Variants in BMP1 observed in about 807,000 individuals in gnomAD.
BMP1 encodes the protein mammalian tolloid protein.
A neutral mutation model predicts 116.8 loss-of-function variants in BMP1; 63 were observed. The ratio of observed to expected loss-of-function variants is 0.54; its 90% confidence interval spans 0.44 to 0.67. The LOEUF is 0.67. BMP1 is among the 30% of genes least tolerant of loss of function. The probability of loss-of-function intolerance (pLI) is 0.00; values close to 1 mark genes in which losing one functional copy is unlikely to be tolerated. For missense variants in BMP1, 1,183 were observed against 1,358.9 expected (o/e 0.87, Z 2.04); for synonymous variants, 536 against 533.4 (o/e 1.00, Z -0.07).
intron 1 of BMP1, 137 bp from the exon 2 acceptor site, chr8:22,173,465 C>A: frequency 1.7e-6 from 1 of 578,082 alleles, no homozygotes; most frequent in Non-Finnish European, 3.1e-6. Context: ...TTCTCCTTCT[C>A]GTTCAGATGG....
Position 22,173,716 on chromosome 8 carries a change from G to T in BMP1, c.262+1G>T. On this transcript the variant is annotated splice_donor_variant, in intron 2 of 19. Transcript: ENST00000306385. LOFTEE classifies it high-confidence loss of function. The stretch of plus-strand genomic sequence containing the variant: ...CGTAAGTCCTCCATCAAAGCTGCAG[G>T]TAAGCCGGGTGCCAATGGGCCCTCT... 1 of 1,607,422 alleles carries T rather than the reference G, an allele frequency of 6.2e-7. No individual in the cohort carries two copies. Among genetic ancestry groups the T allele is most frequent in the Non-Finnish European group, 8.5e-7 (1 of 1,176,346 alleles).
rs780738273 is a variant in BMP1, at chr8:22,177,157, G to A, written c.730+18G>A. The A allele has an allele frequency of 2.2e-5, 35 of 1,579,180 alleles. No homozygotes were observed. Among genetic ancestry groups the A allele is most frequent in the Middle Eastern group, 1.7e-4 (1 of 5,826 alleles). ...CCAGCCAGGTAGGTACCTGCCCCTC[G>A]GTGCGGCCTTGGTGGGCGGCTCCCG... is the stretch of plus-strand genomic sequence containing the variant. On this transcript the variant is annotated intron_variant, in intron 5 of 19. Transcript: ENST00000306385.
intron 19 of BMP1, among the ~76,000 whole-genome samples, chr8:22,210,951 C>T (rs962786827): frequency 1.3e-5 from 2 of 152,244 alleles, no homozygotes; most frequent in Non-Finnish European, 2.9e-5. Flanking sequence ...AAGGCCAGGG[C>T]GTTGACGTCC....
chr8:22,180,520 CT>C, intron 8 of BMP1, 37 bp downstream of exon 8: 1 of 1,580,662 alleles, frequency 6.3e-7, no homozygotes. Flanking sequence ...TCCCCCTCCC[CT>C]GCGGGTCCCC....
In BMP1 at chr8:22,182,435, A is replaced by G. The variant is rs535602451; in HGVS notation, c.1077+1952A>G. Among the ~76,000 whole-genome samples, 8 of 152,344 alleles carry G rather than the reference A, an allele frequency of 5.3e-5. No individual in the cohort carries two copies. In the South Asian group the frequency reaches 1.5e-3, roughly 28 times the overall value. On this transcript the variant is annotated intron_variant, in intron 8 of 19. Transcript: ENST00000306385. Reference sequence around the variant, plus strand: ...TATGATGCCACTTAAGGTCATTACTATCCAGCCACAGGTGACCACCAGTTG... The same window carrying G: ...TATGATGCCACTTAAGGTCATTACTGTCCAGCCACAGGTGACCACCAGTTG...
intron 19 of BMP1, 62 bp downstream of exon 19, chr8:22,209,757 C>T: frequency 2.6e-6 from 4 of 1,559,448 alleles, no homozygotes; most frequent in Non-Finnish European, 3.5e-6. Flanking sequence ...GTCCTCCACC[C>T]TTCTCAGCCC....
chr8:22,209,773 C>G (rs1377966665), intron 19 of BMP1, 78 bp downstream of exon 19: 200 of 1,512,914 alleles, frequency 1.3e-4, no homozygotes, highest in Non-Finnish European at 1.7e-4. Flanking sequence ...AGCCCAGTCT[C>G]CAAGACCTAG....
intron 9 of BMP1, 23 bp downstream of exon 9, chr8:22,192,174 G>A: frequency 6.3e-7 from 1 of 1,591,642 alleles, no homozygotes; most frequent in East Asian, 2.2e-5. Context: ...GCCACCCCCT[G>A]CCCCCTCCAT....
rs143279632 is a variant in BMP1 at position 22,180,451 on chromosome 8, G to C, written c.1045G>C (p.Val349Leu). The C allele has an allele frequency of 6.8e-6, 11 of 1,613,780 alleles. No homozygotes were observed. Among genetic ancestry groups the C allele is most frequent in the Middle Eastern group, 1.6e-4 (1 of 6,082 alleles). ...TGGCTACTCTGCTCACATGCACTGCGTGTGGCGCATCTCTGTCACACCCGG... is the reference window on the plus strand; with the variant it reads ...TGGCTACTCTGCTCACATGCACTGCCTGTGGCGCATCTCTGTCACACCCGG... ...PNGYSAHMHCVWRISVTPGEK... is the reference protein window; with the variant it reads ...PNGYSAHMHCLWRISVTPGEK... The change falls in exon 8 of 20, where the codon GTG (valine) becomes CTG (leucine). Residue 349 changes from valine (V) to leucine (L), a missense_variant. This residue lies in a region of BMP1 where 956 missense variants were observed against 1,135.2 expected (regional missense o/e 0.84). Transcript: ENST00000306385.
chr8:22,169,184 G>GAAAAA (rs5890026), intron 1 of BMP1, among the ~76,000 whole-genome samples: 1 of 126,878 alleles, frequency 7.9e-6, no homozygotes, highest in African/African-American at 3.0e-5. Flanking sequence ...AAGACTCTGT[G>GAAAAA]AAAAAAAAAA....
At position 22,207,440 on chromosome 8, in the gene BMP1, A is replaced by T. The variant is rs1240671676; in HGVS notation, c.2499A>T (p.Thr833=). ...AGAAGCCCGAGCCCGTCCTGGCCAC[A>T]GGCAGCCGCATGTTCCTGCGCTTCT... ...GSKKPEPVLA[T]GSRMFLRFYS... Residue 833 remains threonine, a synonymous_variant, in exon 18 of 20, where the codon ACA becomes ACT. Coordinates refer to ENST00000306385, the MANE Select transcript of BMP1 (RefSeq NM_006129.5). 6.2e-7 allele frequency: 1 copy of T among 1,614,144 alleles called. No individual in the cohort carries two copies. Among genetic ancestry groups the T allele is most frequent in the Middle Eastern group, 1.6e-4 (1 of 6,062 alleles).
intron 15 of BMP1, chr8:22,201,247 C>G: frequency 6.3e-7 from 1 of 1,588,692 alleles, no homozygotes; most frequent in Non-Finnish European, 8.5e-7. Flanking sequence ...AGGAACCTCA[C>G]CTTGGACGGA....
rs10672713 is a variant in BMP1, at chr8:22,189,433, TAC to T, written c.1078-2588_1078-2587del. Among the ~76,000 whole-genome samples, 284 of 141,376 alleles carry T rather than the reference TAC, an allele frequency of 2.0e-3. 1 individual carries two copies. The highest frequency in any genetic ancestry group is 6.4e-3 in the African/African-American group (248 of 38,476). The allele number at this position is 141,376 out of a possible 152,430, so 92.7% of individuals were successfully genotyped here. On this transcript the variant is annotated intron_variant, in intron 8 of 19. Coordinates refer to ENST00000306385, the MANE Select transcript of BMP1 (RefSeq NM_006129.5). ...CCCCTGAGGTCTCTATTGATGGAGA[TAC>T]ACACACACACACACACACACACACA...
Position 22,194,196 on chromosome 8 carries a change from G to C in BMP1, c.1297+22G>C. ...GAAGGTACTGAGGAAGGCGGCGGGC[G>C]GGAGGAGTCAGATAGGAGGTCTCTG... On this transcript the variant is annotated intron_variant, in intron 10 of 19. Coordinates refer to ENST00000306385, the MANE Select transcript of BMP1 (RefSeq NM_006129.5). This position sits in a 1 kb window ranked among gnomAD's most constrained non-coding sequence, Gnocchi z 4.5. 6.2e-7 allele frequency: 1 copy of C among 1,605,656 alleles called. No homozygotes were observed. Among genetic ancestry groups the C allele is most frequent in the Non-Finnish European group, 8.5e-7 (1 of 1,172,260 alleles).
chr8:22,194,776 A>G lies in BMP1; in HGVS notation c.1496A>G (p.His499Arg). Residue 499 changes from histidine to arginine, a missense_variant, in exon 12 of 20, where the codon CAC becomes CGC. Coordinates refer to ENST00000306385, the MANE Select transcript of BMP1 (RefSeq NM_006129.5). This position sits in a 1 kb window ranked among gnomAD's most constrained non-coding sequence, Gnocchi z 4.5. ...AYDYLEVRDG[H>R]SESSTLIGRY... ...GACTATCTGGAGGTGCGCGACGGGC[A>G]CAGTGAGAGCAGCACCCTCATCGGG... The G allele has an allele frequency of 6.2e-7, 1 of 1,613,700 alleles. No homozygotes were observed.
chr8:22,201,968 C>G (rs1320972982), intron 16 of BMP1, 40 bp downstream of exon 16: 4 of 1,583,528 alleles, frequency 2.5e-6, no homozygotes, highest in Non-Finnish European at 3.4e-6. Flanking sequence ...CTTGAAGGAC[C>G]TGCTGCTGGG....
At position 22,209,699 on chromosome 8, in the gene BMP1, A is replaced by G. The variant is rs1288737802; in HGVS notation, c.2826+4A>G. ...GGGGCGCTACTGTGGCTCAGGGGTG[A>G]GGCCCCCACCCCTCGCCCTCCTGGC... On this transcript the variant is annotated splice_donor_region_variant and intron_variant, in intron 19 of 19. Transcript: ENST00000306385. 1 of 1,612,874 alleles carries G rather than the reference A, an allele frequency of 6.2e-7. No homozygotes were observed. Among genetic ancestry groups the G allele is most frequent in the East Asian group, 2.2e-5 (1 of 44,868 alleles).
intron 8 of BMP1, 133 bp downstream of exon 8, chr8:22,180,616 C>T (rs1015431195): frequency 9.2e-6 from 7 of 760,242 alleles, no homozygotes; most frequent in Admixed American, 2.4e-5. Context: ...AAGTCCAGAG[C>T]GCTGATGGAG....
At chr8:22,172,528 T>C (rs572643321) in intron 1 of BMP1, among the ~76,000 whole-genome samples, 3 of 151,416 alleles carry the variant, frequency 2.0e-5, no homozygotes, top group Non-Finnish European at 2.9e-5. Flanking sequence ...TCCTCCTAGC[T>C]GGGAAGCTCC....
Sources: allele counts gnomAD v4.1 joint callset (sites outside exome capture counted in the v4.1 genomes callset), GRCh38; gene constraint gnomAD v4.1.1; regional missense constraint gnomAD v4.1.1; non-coding constraint Gnocchi (gnomAD v3.1); transcripts MANE v1.5; gene names NCBI Gene and HGNC (gene_info 2026-07-23, HGNC 2026-07-21).